Variants in VPS11 observed in about 807,000 individuals in gnomAD.
VPS11 encodes the protein VPS11 core subunit of CORVET and HOPS complexes.
VPS11 carries 51 observed loss-of-function variants against 106.8 expected under a neutral mutation model. That is an observed-to-expected ratio of 0.48 (90% CI 0.38 to 0.60). The LOEUF (loss-of-function observed/expected upper bound fraction) is 0.60, where lower values mean the gene tolerates loss of function less well. Ranked by LOEUF, VPS11 falls within the 20% of genes least tolerant of loss-of-function variation. The pLI is 0.00. For synonymous variants in VPS11, 453 were observed against 458.7 expected, an observed-to-expected ratio of 0.99 and a Z score of 0.16; for missense variants, 950 against 1,190.0, an observed-to-expected ratio of 0.80 and a Z score of 2.97.
Position 119,074,026 on chromosome 11 carries a change from C to T in VPS11, c.1238+75C>T, listed in dbSNP as rs1945505189. The T allele has an allele frequency of 4.0e-6, 6 of 1,491,746 alleles. No individual in the cohort carries two copies. In the African/African-American group the frequency reaches 4.1e-5, roughly 10 times the overall value. The allele number at this position is 1,491,746 out of a possible 1,614,324, so 92.4% of individuals were successfully genotyped here. A position where few individuals can be genotyped will look rare whatever the true frequency, so the allele number is the denominator to read the frequency against. On this transcript the variant is annotated intron_variant, in intron 7 of 15. Transcript: ENST00000621676. The stretch of plus-strand genomic sequence containing the variant: ...GCTAGATAGCTAAAGCCCATCCATG[C>T]TCCAGGTAGGGGCTAGAATTCTACC...
rs1945208004 is a variant in VPS11 at position 119,068,443 on chromosome 11, C to CTTTTTTTTTTTTTTTT, written c.187+433_187+434insTTTTTTTTTTTTTTTT. ...CTGCTACTAAATTCTGGCCTTTTTACCTTTTTTTTTTTTTTTTTTTTTTTG... is the reference window on the plus strand; with the variant it reads ...CTGCTACTAAATTCTGGCCTTTTTACTTTTTTTTTTTTTTTTCTTTTTTTTTTTTTTTTTTTTTTTG... On this transcript the variant is annotated intron_variant, in intron 1 of 15. Coordinates refer to ENST00000621676, the MANE Select transcript of VPS11 (RefSeq NM_021729.6). Among the ~76,000 whole-genome samples the CTTTTTTTTTTTTTTTT allele has an allele frequency of 8.4e-5, 3 of 35,796 alleles. 1 individual carries two copies. The highest frequency in any genetic ancestry group is 1.2e-4 in the African/African-American group (2 of 17,272). The allele number at this position is 35,796 out of a possible 152,430, so 23.5% of individuals were successfully genotyped here.
chr11:119,069,527 C>A lies in VPS11; in HGVS notation c.422C>A (p.Thr141Asn), dbSNP rs1344336526. 6.2e-7 allele frequency: 1 copy of A among 1,613,914 alleles called. No individual in the cohort carries two copies. The highest frequency in any genetic ancestry group is 8.5e-7 in the Non-Finnish European group (1 of 1,179,896). ...IFPAIPGTEPTVVSCLTVHEN... is the reference protein window; with the variant it reads ...IFPAIPGTEPNVVSCLTVHEN... The stretch of plus-strand genomic sequence containing the variant: ...CCTGCTATTCCAGGAACAGAGCCAA[C>A]TGTTGTATCTTGTTTGACTGTCCAT... The change falls in exon 3 of 16, where the codon ACT becomes AAT. Residue 141 changes from threonine to asparagine, a missense_variant. Coordinates refer to ENST00000621676, the MANE Select transcript of VPS11 (RefSeq NM_021729.6).
intron 1 of VPS11, chr11:119,068,261 C>A: frequency 2.4e-6 from 1 of 414,826 alleles, no homozygotes. Flanking sequence ...TGTGTGCATG[C>A]CAATTTGACG....
rs1565739510 is a variant in VPS11 at position 119,073,103 on chromosome 11, T to C, written c.885-95T>C. Reference sequence around the variant, plus strand: ...GAGGGACCAGAGAGGTGATTTGTGCTGGGTGAAATGTGCACCAAAGTTATC... The same window carrying C: ...GAGGGACCAGAGAGGTGATTTGTGCCGGGTGAAATGTGCACCAAAGTTATC... On this transcript the variant is annotated intron_variant, in intron 5 of 15. Coordinates refer to ENST00000621676, the MANE Select transcript of VPS11 (RefSeq NM_021729.6). The C allele has an allele frequency of 2.1e-6, 3 of 1,409,936 alleles. No individual in the cohort carries two copies. The South Asian group carries it at 3.9e-5, about 18-fold the overall frequency. 87.3% of individuals were successfully genotyped at this position (1,409,936 alleles called of 1,614,324 possible).
Position 119,078,795 on chromosome 11 carries a change from G to C in VPS11, c.2064G>C (p.Leu688=). The C allele has an allele frequency of 6.2e-7, 1 of 1,613,118 alleles. No individual in the cohort carries two copies. Among genetic ancestry groups the C allele is most frequent in the Non-Finnish European group, 8.5e-7 (1 of 1,179,514 alleles). Residue 688 remains leucine, a splice_region_variant and synonymous_variant, in exon 13 of 16, where the codon CTG becomes CTC. Transcript: ENST00000621676. ...AGGTGTGCCCTTGCCCCGGCCGCAG[G>C]TTCCAGCAGATCATGCACTACCACA... ...GVLYLYEQGK[L]FQQIMHYHMQ...
Position 119,078,010 on chromosome 11 carries a change from A to G in VPS11, c.1705A>G (p.Thr569Ala). ...AACTCAGTTGCTGAAGGGACTTTGTACTGATTATCGGCCCAGCCTCGAAGG... is the reference window on the plus strand; with the variant it reads ...AACTCAGTTGCTGAAGGGACTTTGTGCTGATTATCGGCCCAGCCTCGAAGG... ...QTTQLLKGLC[T>A]DYRPSLEGRS... The change falls in exon 10 of 16, where the codon ACT becomes GCT. Residue 569 changes from threonine to alanine, a missense_variant. By Grantham distance (58) the Thr-to-Ala change is moderately conservative. This residue lies in a region of VPS11 where 453 missense variants were observed against 514.6 expected (regional missense o/e 0.88). Coordinates refer to ENST00000621676, the MANE Select transcript of VPS11 (RefSeq NM_021729.6). The G allele has an allele frequency of 1.2e-6, 2 of 1,613,604 alleles. No homozygotes were observed. The highest frequency in any genetic ancestry group is 1.7e-6 in the Non-Finnish European group (2 of 1,179,876).
rs782561371 is a variant in VPS11 at position 119,078,173 on chromosome 11, G to A, written c.1762G>A (p.Ala588Thr). Residue 588 changes from alanine (A) to threonine (T), a missense_variant and splice_region_variant, in exon 11 of 16, where the codon GCC (alanine) becomes ACC (threonine). Ala to Thr is a moderately conservative substitution (Grantham distance 58). Coordinates refer to ENST00000621676, the MANE Select transcript of VPS11 (RefSeq NM_021729.6). ...CCTTTTTCCTCTCTTGCCATCCTAG[G>A]CCAACTCTGAGGAGTTCATCCCCAT... Reference protein sequence around the residue: ...RSDREAPGCRANSEEFIPIFA... With the variant: ...RSDREAPGCRTNSEEFIPIFA... 64 of 1,612,514 alleles carry A rather than the reference G, an allele frequency of 4.0e-5. No homozygotes were observed. In the East Asian group the frequency reaches 1.4e-3, roughly 35 times the overall value.
At chr11:119,069,006 C>CT (rs1491094351) in intron 1 of VPS11, among the ~76,000 whole-genome samples, 190 bp from the exon 2 acceptor site, 6 of 65,742 alleles carry the variant, frequency 9.1e-5, no homozygotes, top group African/African-American at 2.7e-4. Flanking sequence ...ACCCCCCCCC[C>CT]CCCCCGGCCT....
intron 7 of VPS11, among the ~76,000 whole-genome samples, chr11:119,075,605 A>C (rs1172678198): frequency 6.6e-6 from 1 of 151,278 alleles, no homozygotes; most frequent in Non-Finnish European, 1.5e-5. Flanking sequence ...TAATCTCAGC[A>C]CTTTGGGAGG....
At chr11:119,075,541 C>CTT (rs33978855) in intron 7 of VPS11, among the ~76,000 whole-genome samples, 3 of 87,428 alleles carry the variant, frequency 3.4e-5, no homozygotes, top group Non-Finnish European at 7.2e-5. Context: ...CCTGTCTCCA[C>CTT]TAAAAAAAAA....
chr11:119,078,763 GC>G (rs1352077716), intron 12 of VPS11, 31 bp from the exon 13 acceptor site: 1 of 1,609,766 alleles, frequency 6.2e-7, no homozygotes, highest in African/African-American at 1.3e-5. Flanking sequence ...TCCAGAGACA[GC>G]CACTGAGGTG....
intron 7 of VPS11, among the ~76,000 whole-genome samples, chr11:119,074,173 C>G (rs1236196563): frequency 6.6e-6 from 1 of 152,156 alleles, no homozygotes; most frequent in East Asian, 1.9e-4. Context: ...GCAACCTTCC[C>G]TCCTGGGTTC....
Position 119,073,234 on chromosome 11 carries a change from C to T in VPS11, c.921C>T (p.Asp307=), listed in dbSNP as rs781847667. ...CCAGCAGGGATTCACAGAGCTCCGA[C>T]AAGCAGATTCTAAACATCTATGACC... ...EFTSRDSQSS[D]KQILNIYDLC... is the part of the protein sequence containing the mutation. The change falls in exon 6 of 16, where the codon GAC becomes GAT. Residue 307 remains aspartate, a synonymous_variant. Transcript: ENST00000621676. The T allele has an allele frequency of 3.7e-6, 6 of 1,613,788 alleles. No homozygotes were observed. The highest frequency in any genetic ancestry group is 1.1e-5 in the South Asian group (1 of 91,018).
At chr11:119,078,361 A>G in intron 11 of VPS11, 27 bp downstream of exon 11, 1 of 1,603,568 alleles carries the variant, frequency 6.2e-7, no homozygotes, top group Admixed American at 1.7e-5. Context: ...GCTTCAGGAG[A>G]AAAGACAGTT....
At chr11:119,076,311 G>A (rs1945617033) in intron 7 of VPS11, among the ~76,000 whole-genome samples, 1 of 152,188 alleles carries the variant, frequency 6.6e-6, no homozygotes, top group African/African-American at 2.4e-5. Context: ...TGGATCACCT[G>A]AGGTCGGGAG....
chr11:119,079,290 C>T lies in VPS11; in HGVS notation c.2428C>T (p.Leu810Phe). 1 of 1,592,714 alleles carries T rather than the reference C, an allele frequency of 6.3e-7. No individual in the cohort carries two copies. The highest frequency in any genetic ancestry group is 8.5e-7 in the Non-Finnish European group (1 of 1,169,864). ...CCGTATCCGCCAGGAGATCCAAGAG[C>T]TCAAGGCCAGGTACCCGGGGCATGG... is the stretch of plus-strand genomic sequence containing the variant. ...TTRIRQEIQE[L>F]KASPKIFQKT... is the part of the protein sequence containing the mutation. Residue 810 changes from leucine to phenylalanine, a missense_variant, in exon 14 of 16, where the codon CTC becomes TTC. Physicochemically the swap from Leu to Phe is conservative, Grantham distance 22. Transcript: ENST00000621676.
chr11:119,073,731 G>A, intron 6 of VPS11, 69 bp from the exon 7 acceptor site: 1 of 1,526,860 alleles, frequency 6.5e-7, no homozygotes, highest in Non-Finnish European at 9.0e-7. Context: ...TGTGTGTTGT[G>A]CGCACATTTT....
Position 119,068,443 on chromosome 11 carries a change from C to CTTTTTTT in VPS11, c.187+433_187+434insTTTTTTT, listed in dbSNP as rs1945208004. Among the ~76,000 whole-genome samples the CTTTTTTT allele has an allele frequency of 4.0e-3, 145 of 35,808 alleles. 24 individuals carry two copies. The highest frequency in any genetic ancestry group is 5.9e-3 in the Admixed American group (14 of 2,384). The allele number at this position is 35,808 out of a possible 152,430, so 23.5% of individuals were successfully genotyped here. A position where few individuals can be genotyped will look rare whatever the true frequency, so the allele number is the denominator to read the frequency against. On this transcript the variant is annotated intron_variant, in intron 1 of 15. Coordinates refer to ENST00000621676, the MANE Select transcript of VPS11 (RefSeq NM_021729.6). ...CTGCTACTAAATTCTGGCCTTTTTACCTTTTTTTTTTTTTTTTTTTTTTTG... is the reference window on the plus strand; with the variant it reads ...CTGCTACTAAATTCTGGCCTTTTTACTTTTTTTCTTTTTTTTTTTTTTTTTTTTTTTG...
rs1460716753 is a variant in VPS11 at position 119,080,523 on chromosome 11, C to A, written c.2439-569C>A. Among the ~76,000 whole-genome samples, 7 of 151,920 alleles carry A rather than the reference C, an allele frequency of 4.6e-5. No homozygotes were observed. In the East Asian group the frequency reaches 1.3e-3, roughly 29 times the overall value. ...ACCTGGGATTACAGGTGCCTGCCAT[C>A]ATGCCTGGCTAATCTTTATATTTTT... On this transcript the variant is annotated intron_variant, in intron 14 of 15. Coordinates refer to ENST00000621676, the MANE Select transcript of VPS11 (RefSeq NM_021729.6).
Sources: allele counts gnomAD v4.1 joint callset (sites outside exome capture counted in the v4.1 genomes callset), GRCh38; gene constraint gnomAD v4.1.1; regional missense constraint gnomAD v4.1.1; transcripts MANE v1.5; gene names NCBI Gene and HGNC (gene_info 2026-07-23, HGNC 2026-07-21).